Variants in ZBTB7C observed in about 807,000 individuals in gnomAD.
The protein encoded by ZBTB7C is zinc finger and BTB domain containing 7C.
ZBTB7C carries 8 observed loss-of-function variants against 25.7 expected under a neutral mutation model. The ratio of observed to expected loss-of-function variants is 0.31; its 90% CI spans 0.18 to 0.56. The LOEUF (loss-of-function observed/expected upper bound fraction) is 0.56, where lower values mean the gene tolerates loss of function less well. Among genes scored for constraint, ZBTB7C ranks in the 20% least tolerant of loss-of-function variants. ZBTB7C has a pLI of 0.91. For missense variants in ZBTB7C, 824 were observed against 855.2 expected (o/e 0.96, Z 0.46); for synonymous variants, 394 against 369.0 (o/e 1.07, Z -0.78).
intron 3 of ZBTB7C, among the ~76,000 whole-genome samples, chr18:48,140,895 CG>C (rs201599650): frequency 0.01 from 1,561 of 152,240 alleles, 9 homozygotes; most frequent in Non-Finnish European, 0.016. Context: ...CTGCCCTTGG[CG>C]GAGCCTCTAT....
At chr18:48,143,415 T>G (rs1478242298) in intron 3 of ZBTB7C, among the ~76,000 whole-genome samples, 1 of 152,170 alleles carries the variant, frequency 6.6e-6, no homozygotes, top group Non-Finnish European at 1.5e-5. Flanking sequence ...AAGAAAAAAA[T>G]GCACTAAGAA....
intron 1 of ZBTB7C, among the ~76,000 whole-genome samples, chr18:48,387,543 T>G (rs2047777503): frequency 6.6e-6 from 1 of 152,210 alleles, no homozygotes; most frequent in Non-Finnish European, 1.5e-5. Context: ...TTCCCTGAAC[T>G]TCACTAAGTT....
intron 1 of ZBTB7C, among the ~76,000 whole-genome samples, chr18:48,358,787 C>T (rs1316863931): frequency 1.3e-5 from 2 of 152,150 alleles, no homozygotes; most frequent in African/African-American, 4.8e-5. Flanking sequence ...GGTGACAAGC[C>T]TGTGAATATA....
intron 3 of ZBTB7C, among the ~76,000 whole-genome samples, chr18:48,086,202 T>C (rs1037424807): frequency 6.6e-6 from 1 of 152,234 alleles, no homozygotes; most frequent in Non-Finnish European, 1.5e-5. Context: ...AATCACCAAG[T>C]TCTTAGACTG....
chr18:48,063,165 A>G (rs1231656328), intron 3 of ZBTB7C, among the ~76,000 whole-genome samples: 1 of 152,222 alleles, frequency 6.6e-6, no homozygotes, highest in African/African-American at 2.4e-5. Flanking sequence ...CCTGCATTCC[A>G]GAAACCCCCT....
intron 3 of ZBTB7C, among the ~76,000 whole-genome samples, chr18:48,052,293 C>A (rs774068693): frequency 6.6e-6 from 1 of 152,178 alleles, no homozygotes; most frequent in Non-Finnish European, 1.5e-5. Flanking sequence ...CCCAAAGGGG[C>A]CATCTCCTCT....
intron 3 of ZBTB7C, among the ~76,000 whole-genome samples, chr18:48,151,452 A>C (rs1448995561): frequency 6.6e-6 from 1 of 152,034 alleles, no homozygotes; most frequent in Non-Finnish European, 1.5e-5. Context: ...TGCATTTTCC[A>C]CTTAGGCTGA....
intron 1 of ZBTB7C, among the ~76,000 whole-genome samples, chr18:48,338,692 C>T (rs1030486951): frequency 6.6e-6 from 1 of 152,294 alleles, no homozygotes; most frequent in African/African-American, 2.4e-5. Flanking sequence ...AAAGACTCAC[C>T]TTCTAATCCT....
chr18:48,248,742 G>T (rs1045397639), intron 2 of ZBTB7C, among the ~76,000 whole-genome samples: 2 of 151,970 alleles, frequency 1.3e-5, no homozygotes, highest in Admixed American at 6.6e-5. Flanking sequence ...TAAATGAAAG[G>T]CATATAAAAC....
At chr18:48,176,970 T>C (rs551241984) in intron 3 of ZBTB7C, among the ~76,000 whole-genome samples, 49 of 152,348 alleles carry the variant, frequency 3.2e-4, no homozygotes, top group African/African-American at 1.1e-3. Flanking sequence ...TGTGGGGCCA[T>C]GCCCACCTCA....
In ZBTB7C at chr18:48,040,750, C is replaced by T. The variant is rs769343510; in HGVS notation, c.358G>A (p.Val120Met). 6.8e-6 allele frequency: 11 copies of T among 1,614,028 alleles called. No individual in the cohort carries two copies. Among genetic ancestry groups the T allele is most frequent in the African/African-American group, 2.7e-5 (2 of 74,962 alleles). ...AARMLEIQCI[V>M]NVCLEIMEPG... ...TCCATGATCTCCAGGCACACGTTCA[C>T]GATGCACTGGATCTCCAGCATCCTG... Residue 120 changes from valine (V) to methionine (M), a missense_variant, in exon 4 of 5, where the codon GTG becomes ATG. Val to Met is a conservative substitution (Grantham distance 21). Transcript: ENST00000590800.
intron 1 of ZBTB7C, among the ~76,000 whole-genome samples, chr18:48,344,231 A>C (rs1482411212): frequency 6.6e-6 from 1 of 152,114 alleles, no homozygotes; most frequent in African/African-American, 2.4e-5. Context: ...TGATCCACCC[A>C]CCTCAGCCTC....
intron 2 of ZBTB7C, among the ~76,000 whole-genome samples, chr18:48,286,968 T>C (rs2144666646): frequency 6.6e-6 from 1 of 152,152 alleles, no homozygotes; most frequent in East Asian, 1.9e-4. Flanking sequence ...AGGAGATTGC[T>C]TGAGCCCAGA....
chr18:48,048,126 C>T (rs1465908135), intron 3 of ZBTB7C, among the ~76,000 whole-genome samples: 2 of 152,172 alleles, frequency 1.3e-5, no homozygotes, highest in Admixed American at 1.3e-4. Flanking sequence ...GCAGAGGGGG[C>T]TGAGACCCAA....
intron 2 of ZBTB7C, among the ~76,000 whole-genome samples, chr18:48,214,445 AACATGT>A (rs139481191): frequency 0.059 from 9,038 of 152,246 alleles, 332 homozygotes; most frequent in Non-Finnish European, 0.088. Context: ...TCAAGGTTCA[AACATGT>A]TGGCAGGACT....
intron 2 of ZBTB7C, among the ~76,000 whole-genome samples, chr18:48,322,652 C>T (rs1421764815): frequency 1.3e-5 from 2 of 152,202 alleles, no homozygotes; most frequent in Non-Finnish European, 2.9e-5. Context: ...CCTTAAAGAA[C>T]TAACAATAGA....
chr18:48,410,450 C>T (rs1473155738), upstream of ZBTB7C, among the ~76,000 whole-genome samples: 1 of 152,162 alleles, frequency 6.6e-6, no homozygotes, highest in Non-Finnish European at 1.5e-5. Context: ...AGGGCTTGTC[C>T]CCGCCCCGTC....
chr18:48,188,884 C>G (rs1020403974), intron 2 of ZBTB7C, among the ~76,000 whole-genome samples: 2 of 152,178 alleles, frequency 1.3e-5, no homozygotes, highest in African/African-American at 4.8e-5. Flanking sequence ...TCAAAGTCCA[C>G]CTCCCTCATC....
At chr18:48,229,446 C>G (rs2145340346) in intron 2 of ZBTB7C, among the ~76,000 whole-genome samples, 1 of 152,296 alleles carries the variant, frequency 6.6e-6, no homozygotes, top group African/African-American at 2.4e-5. Flanking sequence ...AAGGAGAAAT[C>G]TGCAGATAAT....
Sources: gnomAD v4.1 joint callset for allele counts (sites outside exome capture counted in the v4.1 genomes callset) on GRCh38, gnomAD v4.1.1 for gene constraint, MANE v1.5 for transcripts, NCBI Gene and HGNC (gene_info 2026-07-23, HGNC 2026-07-21) for gene names.